Variants in CSMD1 observed in about 807,000 individuals in gnomAD.
The protein encoded by CSMD1 is CUB and Sushi multiple domains 1.
CSMD1 carries 213 observed loss-of-function variants against 417.5 expected under a neutral mutation model. That is an observed-to-expected ratio of 0.51 (90% confidence interval 0.46 to 0.57). The LOEUF is 0.57. Ranked by LOEUF, CSMD1 falls within the 20% of genes least tolerant of loss-of-function variation. CSMD1 has a pLI of 0.00. For synonymous variants in CSMD1, 2,862 were observed against 1,736.8 expected, an observed-to-expected ratio of 1.65 and a Z score of -16.11; for missense variants, 6,923 against 4,529.7, an observed-to-expected ratio of 1.53 and a Z score of -15.17.
At chr8:4,479,139 T>G (rs1800954831) in intron 2 of CSMD1, among the ~76,000 whole-genome samples, 1 of 152,204 alleles carries the variant, frequency 6.6e-6, no homozygotes, top group African/African-American at 2.4e-5. Flanking sequence ...AATTCTTTAA[T>G]AAGGTTAATT....
At chr8:3,821,469 G>C (rs1484965060) in intron 5 of CSMD1, among the ~76,000 whole-genome samples, 1 of 151,310 alleles carries the variant, frequency 6.6e-6, no homozygotes, top group Non-Finnish European at 1.5e-5. Context: ...ACTAAGTGTA[G>C]GACATTTTTG....
intron 26 of CSMD1, among the ~76,000 whole-genome samples, chr8:3,258,825 G>C (rs1800845964): frequency 3.3e-5 from 5 of 152,158 alleles, no homozygotes; most frequent in African/African-American, 1.2e-4. Context: ...ATTATTCTTA[G>C]CAAACAAATG....
chr8:3,647,438 A>G (rs1191989668), intron 7 of CSMD1, among the ~76,000 whole-genome samples: 3 of 152,240 alleles, frequency 2.0e-5, no homozygotes, highest in African/African-American at 7.2e-5. Flanking sequence ...AGAGAAATAC[A>G]GTACATAGAG....
At chr8:4,016,731 C>T (rs1017929073) in intron 4 of CSMD1, among the ~76,000 whole-genome samples, 1 of 152,176 alleles carries the variant, frequency 6.6e-6, no homozygotes, top group Non-Finnish European at 1.5e-5. Context: ...ACCCTATAGC[C>T]AAACCACCCT....
At chr8:3,869,700 G>C (rs1016127187) in intron 5 of CSMD1, among the ~76,000 whole-genome samples, 6 of 152,122 alleles carry the variant, frequency 3.9e-5, no homozygotes, top group African/African-American at 1.4e-4. Flanking sequence ...GCAGCCAGGA[G>C]CATGTGGGGA....
chr8:4,836,377 C>G (rs896396849), intron 1 of CSMD1, among the ~76,000 whole-genome samples: 7 of 152,320 alleles, frequency 4.6e-5, no homozygotes, highest in Admixed American at 3.3e-4. Flanking sequence ...CCACATCTTG[C>G]TGACTGACAC....
intron 2 of CSMD1, among the ~76,000 whole-genome samples, chr8:4,489,608 G>T (rs1006040190): frequency 6.6e-6 from 1 of 152,098 alleles, no homozygotes; most frequent in African/African-American, 2.4e-5. Context: ...TCTCTTTAGT[G>T]TGGCATGGCC....
At chr8:3,517,230 A>G (rs141069385) in intron 10 of CSMD1, among the ~76,000 whole-genome samples, 266 of 152,340 alleles carry the variant, frequency 1.7e-3, no homozygotes, top group Non-Finnish European at 3.3e-3. Context: ...AATTAATAAA[A>G]TCTGTGATTA....
chr8:4,991,577 T>C (rs905929561), intron 1 of CSMD1, among the ~76,000 whole-genome samples: 24 of 152,108 alleles, frequency 1.6e-4, no homozygotes, highest in Admixed American at 4.6e-4. Flanking sequence ...CCCACGGCAG[T>C]GGCCGGGCGC....
chr8:4,131,282 G>C (rs1346390639), intron 3 of CSMD1, among the ~76,000 whole-genome samples: 2 of 151,140 alleles, frequency 1.3e-5, no homozygotes, highest in East Asian at 2.0e-4. Context: ...GAACTGAAGA[G>C]GCTGAATCTA....
intron 2 of CSMD1, among the ~76,000 whole-genome samples, chr8:4,432,790 T>G (rs1797940116): frequency 6.6e-6 from 1 of 152,194 alleles, no homozygotes; most frequent in African/African-American, 2.4e-5. Context: ...AGCAGTAATT[T>G]TGGTTATTGA....
intron 2 of CSMD1, among the ~76,000 whole-genome samples, chr8:4,476,934 A>AG (rs1050238257): frequency 6.6e-6 from 1 of 152,228 alleles, no homozygotes; most frequent in African/African-American, 2.4e-5. Flanking sequence ...GAAATGAAGC[A>AG]GGGAAGGTAG....
intron 3 of CSMD1, among the ~76,000 whole-genome samples, chr8:4,032,874 G>T (rs1017252183): frequency 6.6e-6 from 1 of 152,046 alleles, no homozygotes; most frequent in African/African-American, 2.4e-5. Flanking sequence ...GAAAAACTAG[G>T]TCAGGCCGTG....
intron 3 of CSMD1, among the ~76,000 whole-genome samples, chr8:4,297,566 G>A (rs1797754597): frequency 6.6e-6 from 1 of 152,084 alleles, no homozygotes; most frequent in African/African-American, 2.4e-5. Flanking sequence ...GCTAAATGTT[G>A]TTATTTTAAT....
intron 42 of CSMD1, among the ~76,000 whole-genome samples, chr8:3,111,509 G>A (rs2129016339): frequency 6.6e-6 from 1 of 152,218 alleles, no homozygotes; most frequent in South Asian, 2.1e-4. Flanking sequence ...GTCAGGGTCT[G>A]CGATACTCCT....
rs191537593 is a variant in CSMD1, at chr8:3,307,754, C to G, written c.3891G>C (p.Pro1297=). The G allele has an allele frequency of 3.1e-6, 5 of 1,613,674 alleles. No individual in the cohort carries two copies. The highest frequency in any genetic ancestry group is 1.1e-5 in the South Asian group (1 of 91,068). The change falls in exon 25 of 70, where the codon CCG becomes CCC. Residue 1297 remains proline, a synonymous_variant. Transcript: ENST00000635120. The part of the protein sequence containing the change: ...GRILSPGYPA[P]YDNNLHCTWI... ...AGGTGCAGTGGAGGTTGTTGTCATA[C>G]GGAGCTGGATAGCCAGGGGACAATA...
intron 3 of CSMD1, among the ~76,000 whole-genome samples, chr8:4,353,606 G>T (rs548695766): frequency 1.3e-5 from 2 of 151,564 alleles, no homozygotes; most frequent in South Asian, 2.1e-4. Context: ...CATGCATAAG[G>T]CAACTAAAGA....
chr8:4,185,074 G>A lies in CSMD1; in HGVS notation c.416-152975C>T, dbSNP rs187743322. Among the ~76,000 whole-genome samples the A allele has an allele frequency of 7.0e-3, 1,026 of 146,414 alleles. 14 individuals carry two copies. Among genetic ancestry groups the A allele is most frequent in the African/African-American group, 0.025 (989 of 39,478 alleles). ...GAATGGCTAGAGCCTGGGAGGCAGA[G>A]GTTGCAGTGAGCCAAGATCGCACCA... On this transcript the variant is annotated intron_variant, in intron 3 of 69. Coordinates refer to ENST00000635120, the MANE Select transcript of CSMD1 (RefSeq NM_033225.6).
intron 30 of CSMD1, among the ~76,000 whole-genome samples, chr8:3,212,398 T>C (rs955027310): frequency 2.0e-5 from 3 of 152,098 alleles, no homozygotes; most frequent in South Asian, 2.1e-4. Flanking sequence ...GCCCAGGCTA[T>C]AGTGCAGTGG....
Sources: gnomAD v4.1 joint callset for allele counts (sites outside exome capture counted in the v4.1 genomes callset) on GRCh38, gnomAD v4.1.1 for gene constraint, MANE v1.5 for transcripts, NCBI Gene and HGNC (gene_info 2026-07-23, HGNC 2026-07-21) for gene names.